The following CACNA1B variants were observed in gnomAD, a reference collection of about 807,000 sequenced individuals.
CACNA1B encodes calcium voltage-gated channel subunit alpha1 B, also known as voltage-dependent N-type calcium channel subunit alpha-1B.
In CACNA1B, 70 loss-of-function variants were observed where a neutral mutation model predicts 247.2. The observed-to-expected ratio is 0.28, with a 90% CI of 0.23 to 0.35. The LOEUF is 0.35. CACNA1B is among the 10% of genes least tolerant of loss of function. The pLI, the probability that CACNA1B is intolerant of heterozygous loss-of-function variation, is 1.00. For missense variants in CACNA1B, 2,367 were observed against 3,197.4 expected, an observed-to-expected ratio of 0.74 and a Z score of 6.26; for synonymous variants, 1,231 against 1,294.4, an observed-to-expected ratio of 0.95 and a Z score of 1.05.
intron 36 of CACNA1B, 126 bp from the exon 37 acceptor site, chr9:138,096,358 T>C: frequency 2.7e-6 from 2 of 752,388 alleles, no homozygotes; most frequent in Non-Finnish European, 4.6e-6. Flanking sequence ...ATCGGGCATG[T>C]GCTGGTCAAA....
In CACNA1B at chr9:138,059,855, C is replaced by T; in HGVS notation, c.4668+118C>T. On this transcript the variant is annotated intron_variant, in intron 31 of 46. Transcript: ENST00000371372. This position sits in a 1 kb window ranked among gnomAD's most constrained non-coding sequence, Gnocchi z 4.2. ...CTCTTCCTGGGTTCCGCAGAACCCC[C>T]TGGACATGTGGAGGCTTCGCTCCAG... 5.8e-6 allele frequency: 4 copies of T among 685,166 alleles called. No homozygotes were observed. The highest frequency in any genetic ancestry group is 2.4e-5 in the Admixed American group (1 of 42,496). 42.4% of individuals were successfully genotyped at this position (685,166 alleles called of 1,614,324 possible). A position where few individuals can be genotyped will look rare whatever the true frequency, so the allele number is the denominator to read the frequency against.
At chr9:137,994,529 A>C (rs1958473569) in intron 15 of CACNA1B, among the ~76,000 whole-genome samples, 2 of 152,278 alleles carry the variant, frequency 1.3e-5, no homozygotes, top group African/African-American at 4.8e-5. Context: ...TAATGTACAC[A>C]AATCAGTAGC....
chr9:137,975,226 T>A (rs1285353613), intron 11 of CACNA1B, among the ~76,000 whole-genome samples: 4 of 152,016 alleles, frequency 2.6e-5, no homozygotes, highest in African/African-American at 9.7e-5. Context: ...ACAGCCCCCC[T>A]CCACTGCTGC....
At chr9:138,017,704 T>G (rs1381187372) in intron 18 of CACNA1B, among the ~76,000 whole-genome samples, 1 of 152,196 alleles carries the variant, frequency 6.6e-6, no homozygotes, top group African/African-American at 2.4e-5. Flanking sequence ...TGTTGTCCAC[T>G]TGGGAAGCTC....
intron 34 of CACNA1B, among the ~76,000 whole-genome samples, chr9:138,074,786 C>T (rs1287281624): frequency 6.6e-6 from 1 of 152,222 alleles, no homozygotes; most frequent in Non-Finnish European, 1.5e-5. Flanking sequence ...CGTTGGAGCA[C>T]AGCTGTGTTT....
In CACNA1B at chr9:138,058,645, A is replaced by G. The variant is rs202242832; in HGVS notation, c.4385A>G (p.Tyr1462Cys). The change falls in exon 29 of 47, where the codon TAT becomes TGT. Residue 1462 changes from tyrosine (Y) to cysteine (C), a missense_variant. Coordinates refer to ENST00000371372, the MANE Select transcript of CACNA1B (RefSeq NM_000718.4). This position sits in a 1 kb window ranked among gnomAD's most constrained non-coding sequence, Gnocchi z 4.7. ...YMPQNRQSFQ[Y>C]KTWTFVVSPP... ...CCCCAAAACCGGCAGTCGTTCCAGT[A>G]TAAGACGTGGACATTTGTGGTCTCC... 1 of 1,613,850 alleles carries G rather than the reference A, an allele frequency of 6.2e-7. No homozygotes were observed. Among genetic ancestry groups the G allele is most frequent in the Non-Finnish European group, 8.5e-7 (1 of 1,179,806 alleles).
rs182138951 is a variant in CACNA1B at position 138,072,264 on chromosome 9, G to A, written c.4675-1224G>A. Among the ~76,000 whole-genome samples the A allele has an allele frequency of 3.0e-4, 46 of 152,278 alleles. No homozygotes were observed. In the East Asian group the frequency reaches 8.7e-3, roughly 29 times the overall value. On this transcript the variant is annotated intron_variant, in intron 32 of 46. Coordinates refer to ENST00000371372, the MANE Select transcript of CACNA1B (RefSeq NM_000718.4). The surrounding 1 kb of genome is among the most constrained non-coding windows in gnomAD (Gnocchi z 4.5). The stretch of plus-strand genomic sequence containing the variant: ...CTCGAGTTGAATCCTCAGCCACCCT[G>A]CCCCTGCCAGTGGAAGTGGCAGACC...
chr9:138,069,425 C>T (rs1960041333), intron 31 of CACNA1B, among the ~76,000 whole-genome samples: 1 of 152,108 alleles, frequency 6.6e-6, no homozygotes, highest in Non-Finnish European at 1.5e-5. Context: ...AACAAGAATG[C>T]AAATGAATGC....
chr9:137,894,118 A>C (rs983561037), intron 3 of CACNA1B, among the ~76,000 whole-genome samples: 1 of 152,160 alleles, frequency 6.6e-6, no homozygotes, highest in Non-Finnish European at 1.5e-5. Context: ...ATAAGTTCTC[A>C]CTTCTCTGGG....
intron 34 of CACNA1B, among the ~76,000 whole-genome samples, chr9:138,074,399 C>G (rs1394955698): frequency 6.6e-6 from 1 of 152,150 alleles, no homozygotes; most frequent in Non-Finnish European, 1.5e-5. Context: ...TGCCACCACG[C>G]CCGGCTAATT....
rs1193743934 is a variant in CACNA1B at position 138,075,959 on chromosome 9, C to T, written c.4949+49C>T. On this transcript the variant is annotated intron_variant, in intron 35 of 46. Coordinates refer to ENST00000371372, the MANE Select transcript of CACNA1B (RefSeq NM_000718.4). ...CCAATGTCTGCTCTTCCGTCGGGGG[C>T]TGCTTTACTCAGGATGAAGAAGGCT... is the stretch of plus-strand genomic sequence containing the variant. 4.8e-6 allele frequency: 6 copies of T among 1,237,340 alleles called. No individual in the cohort carries two copies. In the Admixed American group the frequency reaches 9.6e-5, roughly 20 times the overall value. 76.6% of individuals were successfully genotyped at this position (1,237,340 alleles called of 1,614,324 possible).
At chr9:138,025,247 A>G in intron 20 of CACNA1B, 75 bp downstream of exon 20, 1 of 994,292 alleles carries the variant, frequency 1.0e-6, no homozygotes, top group South Asian at 1.5e-5. Flanking sequence ...CTCCTGCTCC[A>G]CAGCAGCCAC....
intron 15 of CACNA1B, among the ~76,000 whole-genome samples, chr9:137,995,520 T>C (rs1958488170): frequency 6.6e-6 from 1 of 152,194 alleles, no homozygotes; most frequent in African/African-American, 2.4e-5. Flanking sequence ...TCTCACCTTA[T>C]ACAAAAATCA....
At chr9:138,021,298 C>T (rs1248721731) in intron 18 of CACNA1B, among the ~76,000 whole-genome samples, 1 of 152,158 alleles carries the variant, frequency 6.6e-6, no homozygotes, top group Non-Finnish European at 1.5e-5. Flanking sequence ...ACGGCCCCTA[C>T]AGGTAGCCCT....
intron 36 of CACNA1B, among the ~76,000 whole-genome samples, chr9:138,085,932 T>A (rs1428351324): frequency 6.6e-6 from 1 of 151,188 alleles, no homozygotes; most frequent in African/African-American, 2.4e-5. Context: ...GACATGATAA[T>A]TACTATCGTG....
At chr9:137,978,471 C>T (rs1294304249) in intron 12 of CACNA1B, among the ~76,000 whole-genome samples, 1 of 148,914 alleles carries the variant, frequency 6.7e-6, no homozygotes, top group Non-Finnish European at 1.5e-5. Context: ...GGGAGCACTA[C>T]CCCTTCCATG....
chr9:138,120,210 G>T lies in CACNA1B; in HGVS notation c.6076G>T (p.Ala2026Ser). 1 of 1,608,674 alleles carries T rather than the reference G, an allele frequency of 6.2e-7. No individual in the cohort carries two copies. The highest frequency in any genetic ancestry group is 8.5e-7 in the Non-Finnish European group (1 of 1,178,264). Residue 2026 changes from alanine to serine, a missense_variant, in exon 45 of 47, where the codon GCC (alanine) becomes TCC (serine). Coordinates refer to ENST00000371372, the MANE Select transcript of CACNA1B (RefSeq NM_000718.4). ...SPMKRSISTLAQRPRGTHLCS... is the reference protein window; with the variant it reads ...SPMKRSISTLSQRPRGTHLCS... ...CATGAAGCGCTCCATCTCCACGCTG[G>T]CCCAGCGGCCCCGTGGGACTCATCT...
intron 6 of CACNA1B, among the ~76,000 whole-genome samples, chr9:137,927,980 C>A (rs1957570528): frequency 6.6e-6 from 1 of 152,118 alleles, no homozygotes; most frequent in Non-Finnish European, 1.5e-5. Flanking sequence ...AGAATAAATC[C>A]CACATGGTCA....
rs927300990 is a variant in CACNA1B, at chr9:138,072,011, C to T, written c.4675-1477C>T. ...TGGCTTCTCTGTGGGTCCTCGTGGC[C>T]CAGAGTTCTTGGCCATCTTGTCTAC... On this transcript the variant is annotated intron_variant, in intron 32 of 46. Transcript: ENST00000371372. This position sits in a 1 kb window ranked among gnomAD's most constrained non-coding sequence, Gnocchi z 4.5. 1.1e-4 allele frequency among the ~76,000 whole-genome samples: 17 copies of T among 151,984 alleles called. No individual in the cohort carries two copies. Among genetic ancestry groups the T allele is most frequent in the Non-Finnish European group, 4.4e-5 (3 of 67,986 alleles).
Sources: allele counts gnomAD v4.1 joint callset (sites outside exome capture counted in the v4.1 genomes callset), GRCh38; gene constraint gnomAD v4.1.1; non-coding constraint Gnocchi (gnomAD v3.1); transcripts MANE v1.5; gene names NCBI Gene and HGNC (gene_info 2026-07-23, HGNC 2026-07-21).